Variants in CUL3 observed in about 807,000 individuals in gnomAD.
CUL3 encodes cullin 3.
CUL3 carries 19 observed loss-of-function variants against 89.1 expected under a neutral mutation model. The ratio of observed to expected loss-of-function variants is 0.21; its 90% CI spans 0.15 to 0.31. The LOEUF (loss-of-function observed/expected upper bound fraction) is 0.31. Among genes scored for constraint, CUL3 ranks in the 10% least tolerant of loss-of-function variants. CUL3 has a pLI of 1.00. For synonymous variants in CUL3, 351 were observed against 308.4 expected (o/e 1.14, Z -1.45); for missense variants, 469 against 942.3 (o/e 0.50, Z 6.58).
At chr2:224,525,043 T>C (rs1693419371) in intron 3 of CUL3, among the ~76,000 whole-genome samples, 1 of 147,340 alleles carries the variant, frequency 6.8e-6, no homozygotes, top group Admixed American at 6.7e-5. Context: ...AGGAAAGTAA[T>C]AAAGAACAGA....
intron 13 of CUL3, 51 bp from the exon 14 acceptor site, chr2:224,482,129 AGTT>A (rs1400773467): frequency 6.9e-7 from 1 of 1,453,206 alleles, no homozygotes; most frequent in Non-Finnish European, 9.3e-7. Flanking sequence ...GATTAAAGTT[AGTT>A]AATTAGCAAG....
chr2:224,474,832 G>A (rs1469850642), intron 15 of CUL3, among the ~76,000 whole-genome samples: 2 of 152,124 alleles, frequency 1.3e-5, no homozygotes, highest in Admixed American at 6.5e-5. Flanking sequence ...TGTGTTAACA[G>A]ATGTAACGCC....
chr2:224,566,403 A>G lies in CUL3; in HGVS notation c.67-8547T>C, dbSNP rs938358560. Among the ~76,000 whole-genome samples, 7 of 152,232 alleles carry G rather than the reference A, an allele frequency of 4.6e-5. No homozygotes were observed. The East Asian group carries it at 1.3e-3, about 29-fold the overall frequency. ...CAGCCATGATCAAAAACCTGACTGC[A>G]CTTGCACAGAACAGCAGAGTTAGCT... On this transcript the variant is annotated intron_variant, in intron 1 of 15. Transcript: ENST00000264414.
At chr2:224,557,899 A>AAAAAAAAAC (rs1559221584) in intron 1 of CUL3, 43 bp from the exon 2 acceptor site, 2 of 1,136,456 alleles carry the variant, frequency 1.8e-6, no homozygotes, top group Non-Finnish European at 2.5e-6. Flanking sequence ...AAAAAAAAAA[A>AAAAAAAAAC]AAAAAACCAA....
chr2:224,519,198 T>C (rs182817555), intron 3 of CUL3, among the ~76,000 whole-genome samples: 3 of 152,364 alleles, frequency 2.0e-5, no homozygotes, highest in Admixed American at 2.0e-4. Context: ...TACAAATTAC[T>C]TAAAATATTG....
chr2:224,510,224 T>G (rs918113387), intron 6 of CUL3, among the ~76,000 whole-genome samples: 3 of 151,862 alleles, frequency 2.0e-5, no homozygotes, highest in African/African-American at 4.8e-5. Context: ...CTTCTGTTTT[T>G]TTTTTTTTTT....
rs192866773 is a variant in CUL3 at position 224,555,438 on chromosome 2, C to T, written c.264+2221G>A. ...CCTCTCAATTTTACATTTATAGCAT[C>T]CTCATAATATGCTGCCACATAATCA... is the stretch of plus-strand genomic sequence containing the variant. On this transcript the variant is annotated intron_variant, in intron 2 of 15. Transcript: ENST00000264414. Among the ~76,000 whole-genome samples the T allele has an allele frequency of 4.9e-4, 75 of 152,246 alleles. No homozygotes were observed. In the South Asian group the frequency reaches 7.3e-3, roughly 15 times the overall value.
chr2:224,522,346 G>A (rs902457683), intron 3 of CUL3, among the ~76,000 whole-genome samples: 7 of 152,108 alleles, frequency 4.6e-5, no homozygotes, highest in East Asian at 1.9e-4. Context: ...TAATTAGATC[G>A]AAGTTTAAAG....
rs1691178646 is a variant in CUL3, at chr2:224,472,814, A to C, written c.*1431T>G. ...GTTGTTGTAACTTGACCATAAATTT[A>C]AACAGAAACCATCTTCTGAGACATA... On this transcript the variant is annotated 3_prime_UTR_variant, in exon 16 of 16. Coordinates refer to ENST00000264414, the MANE Select transcript of CUL3 (RefSeq NM_003590.5). The C allele has an allele frequency of 1.5e-5, 3 of 203,282 alleles. No homozygotes were observed. The East Asian group carries it at 2.3e-4, about 15-fold the overall frequency. The allele number at this position is 203,282 out of a possible 1,614,324, so 12.6% of individuals were successfully genotyped here. A position where few individuals can be genotyped will look rare whatever the true frequency, so the allele number is the denominator to read the frequency against.
At chr2:224,554,564 A>C (rs1694634641) in intron 2 of CUL3, among the ~76,000 whole-genome samples, 1 of 152,168 alleles carries the variant, frequency 6.6e-6, no homozygotes, top group Non-Finnish European at 1.5e-5. Context: ...TAACAGCTAT[A>C]TGGACCTGGA....
In CUL3 at chr2:224,470,939, C is replaced by T. The variant is rs568777981; in HGVS notation, c.*3306G>A. 1.7e-5 allele frequency: 4 copies of T among 228,868 alleles called. No individual in the cohort carries two copies. The highest frequency in any genetic ancestry group is 3.5e-5 in the Non-Finnish European group (4 of 115,482). The allele number at this position is 228,868 out of a possible 1,614,324, so 14.2% of individuals were successfully genotyped here. A position where few individuals can be genotyped will look rare whatever the true frequency, so the allele number is the denominator to read the frequency against. ...ACCTAGGTCCAACTCCTGGCTCTGCCATTTCCTGCTAGCAACCTTGGACAA... is the reference window on the plus strand; with the variant it reads ...ACCTAGGTCCAACTCCTGGCTCTGCTATTTCCTGCTAGCAACCTTGGACAA... On this transcript the variant is annotated 3_prime_UTR_variant, in exon 16 of 16. Transcript: ENST00000264414.
intron 3 of CUL3, among the ~76,000 whole-genome samples, chr2:224,530,863 C>G (rs994944056): frequency 6.6e-6 from 1 of 152,088 alleles, no homozygotes; most frequent in Non-Finnish European, 1.5e-5. Flanking sequence ...GCAAAGACAG[C>G]ACCACTGGAC....
chr2:224,474,771 G>C (rs1181966634), intron 15 of CUL3, among the ~76,000 whole-genome samples: 2 of 152,152 alleles, frequency 1.3e-5, no homozygotes, highest in African/African-American at 2.4e-5. Flanking sequence ...GATAAACTCA[G>C]CTCTACCACT....
At chr2:224,496,057 G>T in intron 12 of CUL3, 91 bp from the exon 13 acceptor site, 1 of 1,365,616 alleles carries the variant, frequency 7.3e-7, no homozygotes, top group Non-Finnish European at 1.0e-6. Context: ...ATGTTACAGG[G>T]TCTCACTTTG....
At chr2:224,561,390 G>A (rs1374727523) in intron 1 of CUL3, among the ~76,000 whole-genome samples, 2 of 152,160 alleles carry the variant, frequency 1.3e-5, no homozygotes, top group Non-Finnish European at 2.9e-5. Flanking sequence ...TACTGAGTTA[G>A]TGGAATCCTC....
intron 1 of CUL3, among the ~76,000 whole-genome samples, chr2:224,579,013 TAAA>T (rs1307101203): frequency 1.3e-5 from 2 of 152,208 alleles, no homozygotes; most frequent in Non-Finnish European, 2.9e-5. Context: ...ATGTATTACT[TAAA>T]AAGCCAAATT....
At chr2:224,501,502 T>C (rs1692387855) in intron 10 of CUL3, among the ~76,000 whole-genome samples, 1 of 152,266 alleles carries the variant, frequency 6.6e-6, no homozygotes, top group Non-Finnish European at 1.5e-5. Flanking sequence ...ATTCAGGATG[T>C]GTTATAAACC....
At chr2:224,582,980 G>C (rs1695476723) in intron 1 of CUL3, among the ~76,000 whole-genome samples, 1 of 152,214 alleles carries the variant, frequency 6.6e-6, no homozygotes, top group African/African-American at 2.4e-5. Context: ...ACTTGAGTGA[G>C]TTGATGTCAA....
intron 3 of CUL3, among the ~76,000 whole-genome samples, chr2:224,521,794 AG>A (rs1452487879): frequency 4.0e-5 from 6 of 151,544 alleles, no homozygotes; most frequent in Admixed American, 3.3e-4. Flanking sequence ...CTATTTATTT[AG>A]GAAAAAAAAA....
Sources: allele counts gnomAD v4.1 joint callset (sites outside exome capture counted in the v4.1 genomes callset), GRCh38; gene constraint gnomAD v4.1.1; transcripts MANE v1.5; gene names NCBI Gene and HGNC (gene_info 2026-07-23, HGNC 2026-07-21).